SAMHD1: variants seen among roughly 807,000 people sequenced by gnomAD.
SAMHD1 encodes the protein deoxynucleoside triphosphate triphosphohydrolase SAMHD1.
SAMHD1 carries 54 observed loss-of-function variants against 79.6 expected under a neutral mutation model. That is an observed-to-expected ratio of 0.68 (90% CI 0.55 to 0.85). The LOEUF is 0.85. Among genes scored for constraint, SAMHD1 ranks in the 40% least tolerant of loss-of-function variants. The pLI, the probability that SAMHD1 is intolerant of heterozygous loss-of-function variation, is 0.00. For missense variants in SAMHD1, 663 were observed against 782.7 expected, an observed-to-expected ratio of 0.85 and a Z score of 1.82; for synonymous variants, 260 against 264.1, an observed-to-expected ratio of 0.98 and a Z score of 0.15.
intron 7 of SAMHD1, 111 bp from the exon 8 acceptor site, chr20:36,917,160 G>A: frequency 1.4e-6 from 1 of 718,460 alleles, no homozygotes; most frequent in East Asian, 2.7e-5. Flanking sequence ...ACCTGACTGG[G>A]AATATGAGAT....
intron 13 of SAMHD1, among the ~76,000 whole-genome samples, chr20:36,900,649 C>T (rs947222408): frequency 1.4e-4 from 22 of 151,960 alleles, no homozygotes; most frequent in Non-Finnish European, 2.4e-4. Context: ...TCACTGCAAC[C>T]TCTGCCTCCT....
intron 6 of SAMHD1, among the ~76,000 whole-genome samples, chr20:36,923,813 C>G (rs909121152): frequency 6.6e-6 from 1 of 152,056 alleles, no homozygotes; most frequent in Non-Finnish European, 1.5e-5. Context: ...AAACATAAAT[C>G]TTATTATAAA....
rs747462737 is a variant in SAMHD1, at chr20:36,912,195, G to A, written c.1154+266C>T. On this transcript the variant is annotated intron_variant, in intron 10 of 15. Coordinates refer to ENST00000646673, the MANE Select transcript of SAMHD1 (RefSeq NM_015474.4). ...GGTCCTGAGTGATCTCAGCACTGCC[G>A]CTTCACGTCTGGCCTAAGCCAGCTC... 26 of 459,324 alleles carry A rather than the reference G, an allele frequency of 5.7e-5. 1 individual carries two copies. Among genetic ancestry groups the A allele is most frequent in the South Asian group, 2.4e-4 (11 of 46,698 alleles). The allele number at this position is 459,324 out of a possible 1,614,324, so 28.5% of individuals were successfully genotyped here. A position where few individuals can be genotyped will look rare whatever the true frequency, so the allele number is the denominator to read the frequency against.
chr20:36,910,884 T>C (rs1702805795), intron 11 of SAMHD1, among the ~76,000 whole-genome samples: 2 of 152,126 alleles, frequency 1.3e-5, no homozygotes. Context: ...GTCAAATCCC[T>C]TTATCAAAGT....
At chr20:36,921,403 A>AAC (rs1335713383) in intron 6 of SAMHD1, among the ~76,000 whole-genome samples, 2 of 151,562 alleles carry the variant, frequency 1.3e-5, no homozygotes, top group Non-Finnish European at 1.5e-5. Context: ...AAAAAAAAAA[A>AAC]AAAAAAAAAC....
rs1179186311 is a variant in SAMHD1, at chr20:36,940,322, G to A, written c.348+717C>T. On this transcript the variant is annotated intron_variant, in intron 3 of 15. Coordinates refer to ENST00000646673, the MANE Select transcript of SAMHD1 (RefSeq NM_015474.4). ...GGATATACATAAATATGCAATAAGA[G>A]TAAAAACCATTCATGACAATGATAA... is the stretch of plus-strand genomic sequence containing the variant. 10 of 151,640 alleles carry A rather than the reference G, an allele frequency of 6.6e-5. No individual in the cohort carries two copies. The East Asian group carries it at 1.7e-3, about 26-fold the overall frequency. 9.4% of individuals were successfully genotyped at this position (151,640 alleles called of 1,614,324 possible). A position where few individuals can be genotyped will look rare whatever the true frequency, so the allele number is the denominator to read the frequency against.
intron 7 of SAMHD1, among the ~76,000 whole-genome samples, chr20:36,918,956 C>A (rs2146119021): frequency 6.6e-6 from 1 of 151,976 alleles, no homozygotes; most frequent in Non-Finnish European, 1.5e-5. Context: ...GGCAACGTGA[C>A]AAAACCCCAT....
In SAMHD1 at chr20:36,897,143, T is replaced by C. The variant is rs535869560; in HGVS notation, c.1746+679A>G. 5.9e-5 allele frequency among the ~76,000 whole-genome samples: 9 copies of C among 152,356 alleles called. No individual in the cohort carries two copies. The East Asian group carries it at 1.2e-3, about 20-fold the overall frequency. ...ACCGACATCCTGAGCTACGCTTTCA[T>C]GTCTCACCCTATCCTTTGTTCCCTT... On this transcript the variant is annotated intron_variant, in intron 15 of 15. Coordinates refer to ENST00000646673, the MANE Select transcript of SAMHD1 (RefSeq NM_015474.4).
intron 1 of SAMHD1, chr20:36,947,153 T>C: frequency 3.9e-6 from 1 of 256,158 alleles, no homozygotes; most frequent in Non-Finnish European, 7.6e-6. Flanking sequence ...CTAAGTCTAT[T>C]GTTCTTAGAA....
intron 3 of SAMHD1, 193 bp downstream of exon 3, chr20:36,940,846 A>G: frequency 1.6e-6 from 1 of 609,782 alleles, no homozygotes; most frequent in Non-Finnish European, 2.9e-6. Flanking sequence ...ATGCTTAAAC[A>G]TATTTTAGTT....
chr20:36,896,661 C>G (rs1234204759), intron 15 of SAMHD1, among the ~76,000 whole-genome samples: 2 of 151,794 alleles, frequency 1.3e-5, no homozygotes, highest in Non-Finnish European at 2.9e-5. Flanking sequence ...ATAATGAAAC[C>G]CCATCTCTAC....
At chr20:36,940,027 A>C (rs2063631442) in intron 3 of SAMHD1, 1 of 152,146 alleles carries the variant, frequency 6.6e-6, no homozygotes, top group South Asian at 2.1e-4. Flanking sequence ...CAACATGATG[A>C]AACCCCAACT....
At chr20:36,919,642 A>G in intron 6 of SAMHD1, 123 bp from the exon 7 acceptor site, 1 of 871,344 alleles carries the variant, frequency 1.1e-6, no homozygotes, top group Non-Finnish European at 1.8e-6. Flanking sequence ...TTAATTCTCT[A>G]GTTTCTAACC....
intron 11 of SAMHD1, 129 bp from the exon 12 acceptor site, chr20:36,905,632 T>A: frequency 2.4e-6 from 2 of 837,144 alleles, no homozygotes; most frequent in South Asian, 3.2e-5. Flanking sequence ...ATTTTAGCAA[T>A]GTGAGAAAAA....
intron 6 of SAMHD1, among the ~76,000 whole-genome samples, chr20:36,923,086 C>T (rs2063515649): frequency 1.3e-5 from 2 of 152,086 alleles, no homozygotes; most frequent in African/African-American, 2.4e-5. Flanking sequence ...CTGCAAGCTC[C>T]GCCTCCTGGG....
chr20:36,932,234 C>T (rs1454688695), intron 4 of SAMHD1, among the ~76,000 whole-genome samples: 1 of 151,446 alleles, frequency 6.6e-6, no homozygotes, highest in Non-Finnish European at 1.5e-5. Context: ...GGCTGTAATC[C>T]CAGCTACTTG....
chr20:36,911,332 T>G lies in SAMHD1; in HGVS notation c.1156A>C (p.Ile386Leu). Residue 386 changes from isoleucine to leucine, a missense_variant and splice_region_variant, in exon 11 of 16, where the codon ATT becomes CTT. Physicochemically the swap from Ile to Leu is conservative, Grantham distance 5. Coordinates refer to ENST00000646673, the MANE Select transcript of SAMHD1 (RefSeq NM_015474.4). ...TCTGCTTTGAGGAAAGCATCTGTAA[T>G]CCTAAAAATCATTTTGCAAAAATTT... ...HKVGNIIDTM[I>L]TDAFLKADDY... 1 of 1,601,482 alleles carries G rather than the reference T, an allele frequency of 6.2e-7. No individual in the cohort carries two copies.
rs543415411 is a variant in SAMHD1, at chr20:36,900,863, T to C, written c.1504-2319A>G. Among the ~76,000 whole-genome samples the C allele has an allele frequency of 2.0e-4, 30 of 151,826 alleles. No homozygotes were observed. In the East Asian group the frequency reaches 3.3e-3, roughly 17 times the overall value. On this transcript the variant is annotated intron_variant, in intron 13 of 15. Transcript: ENST00000646673. ...CTGGGATTACAGGCATGAGCCACCGTGCCCGGCCTATTACATAGTTTTAAA... is the reference window on the plus strand; with the variant it reads ...CTGGGATTACAGGCATGAGCCACCGCGCCCGGCCTATTACATAGTTTTAAA...
intron 1 of SAMHD1, among the ~76,000 whole-genome samples, chr20:36,948,690 A>G (rs1171834797): frequency 6.7e-6 from 1 of 149,056 alleles, no homozygotes; most frequent in East Asian, 2.1e-4. Flanking sequence ...AACATGGTGA[A>G]ACCCCATCTC....
Sources: gnomAD v4.1 joint callset for allele counts (sites outside exome capture counted in the v4.1 genomes callset) on GRCh38, gnomAD v4.1.1 for gene constraint, MANE v1.5 for transcripts, NCBI Gene and HGNC (gene_info 2026-07-23, HGNC 2026-07-21) for gene names.